GUCY1A2: variants seen among roughly 807,000 people sequenced by gnomAD.
The protein encoded by GUCY1A2 is guanylate cyclase soluble subunit alpha-2.
GUCY1A2 carries 27 observed loss-of-function variants against 63.5 expected under a neutral mutation model. The observed-to-expected ratio is 0.43, with a 90% CI of 0.31 to 0.59. GUCY1A2 has a LOEUF of 0.59. Among genes scored for constraint, GUCY1A2 ranks in the 20% least tolerant of loss-of-function variants. GUCY1A2 has a pLI of 0.11. For synonymous variants in GUCY1A2, 364 were observed against 343.5 expected (o/e 1.06, Z -0.66); for missense variants, 768 against 913.3 (o/e 0.84, Z 2.05).
intron 1 of GUCY1A2, among the ~76,000 whole-genome samples, chr11:107,004,246 G>A (rs141549082): frequency 6.6e-6 from 1 of 152,244 alleles, no homozygotes; most frequent in African/African-American, 2.4e-5. Context: ...TATGAGGTTT[G>A]GAGTTAAACA....
chr11:106,748,471 AAAG>A (rs1188218373), intron 6 of GUCY1A2, among the ~76,000 whole-genome samples: 2 of 152,196 alleles, frequency 1.3e-5, no homozygotes, highest in Non-Finnish European at 1.5e-5. Context: ...AGCTGAGGTA[AAAG>A]AAGGAGAACA....
chr11:106,932,489 T>C (rs1591332636), intron 4 of GUCY1A2, among the ~76,000 whole-genome samples: 2 of 152,092 alleles, frequency 1.3e-5, no homozygotes, highest in African/African-American at 4.8e-5. Context: ...ATATCATACA[T>C]GAGCCTTGTC....
At chr11:106,832,389 T>C (rs1352446164) in intron 4 of GUCY1A2, among the ~76,000 whole-genome samples, 1 of 152,206 alleles carries the variant, frequency 6.6e-6, no homozygotes, top group Non-Finnish European at 1.5e-5. Context: ...TTTATTTCTT[T>C]TTGATGTTTA....
chr11:106,997,810 G>A lies in GUCY1A2; in HGVS notation c.304-11679C>T, dbSNP rs548537499. Among the ~76,000 whole-genome samples, 12 of 152,182 alleles carry A rather than the reference G, an allele frequency of 7.9e-5. No homozygotes were observed. In the East Asian group the frequency reaches 2.3e-3, roughly 29 times the overall value. ...TGGGCCTATCAAGAATCCATGTCCT[G>A]CCTACCTCATATACTTCCTGGGTGA... is the stretch of plus-strand genomic sequence containing the variant. On this transcript the variant is annotated intron_variant, in intron 1 of 7. Transcript: ENST00000526355.
intron 3 of GUCY1A2, among the ~76,000 whole-genome samples, chr11:106,976,396 TATG>T (rs558974540): frequency 6.0e-4 from 91 of 152,324 alleles, no homozygotes; most frequent in Admixed American, 3.4e-3. Context: ...CATTCTCATA[TATG>T]ATTACAGAAG....
intron 4 of GUCY1A2, among the ~76,000 whole-genome samples, chr11:106,847,258 A>ATAT (rs199878448): frequency 1.4e-5 from 2 of 147,786 alleles, no homozygotes; most frequent in African/African-American, 2.4e-5. Flanking sequence ...ATATATATAT[A>ATAT]AAAAATTGTG....
At chr11:106,854,287 G>A (rs1299690846) in intron 4 of GUCY1A2, among the ~76,000 whole-genome samples, 1 of 152,184 alleles carries the variant, frequency 6.6e-6, no homozygotes, top group Non-Finnish European at 1.5e-5. Flanking sequence ...TTTGTAGGCT[G>A]GGCAGACCAG....
chr11:106,715,195 A>G (rs894793040), intron 6 of GUCY1A2, among the ~76,000 whole-genome samples: 2 of 152,202 alleles, frequency 1.3e-5, no homozygotes, highest in African/African-American at 2.4e-5. Context: ...TTCACAAACA[A>G]CTGCATTAAA....
chr11:106,829,020 ATTGC>A (rs1859014857), intron 4 of GUCY1A2, among the ~76,000 whole-genome samples: 1 of 152,208 alleles, frequency 6.6e-6, no homozygotes, highest in African/African-American at 2.4e-5. Context: ...GAATTATATG[ATTGC>A]TTTGTTTCCA....
chr11:107,006,240 A>T (rs770847078), intron 1 of GUCY1A2, among the ~76,000 whole-genome samples: 1 of 152,254 alleles, frequency 6.6e-6, no homozygotes, highest in Non-Finnish European at 1.5e-5. Flanking sequence ...GAAGTGAAGC[A>T]GAACAAGGAA....
intron 3 of GUCY1A2, among the ~76,000 whole-genome samples, chr11:106,967,326 C>T (rs1861138628): frequency 6.6e-6 from 1 of 152,020 alleles, no homozygotes; most frequent in Non-Finnish European, 1.5e-5. Flanking sequence ...ACTGTCCTCT[C>T]GGAATTAATA....
At chr11:106,959,077 G>A (rs1272258220) in intron 3 of GUCY1A2, among the ~76,000 whole-genome samples, 3 of 152,152 alleles carry the variant, frequency 2.0e-5, no homozygotes, top group Non-Finnish European at 2.9e-5. Context: ...GCCAAGCGGA[G>A]CAACTATTCA....
intron 4 of GUCY1A2, among the ~76,000 whole-genome samples, chr11:106,895,903 C>T (rs1860040858): frequency 6.6e-6 from 1 of 151,594 alleles, no homozygotes; most frequent in Non-Finnish European, 1.5e-5. Flanking sequence ...GCCTATAATC[C>T]CAGCTACTCA....
intron 4 of GUCY1A2, chr11:106,827,883 G>C (rs1176628701): frequency 7.6e-6 from 12 of 1,569,068 alleles, no homozygotes; most frequent in Non-Finnish European, 9.6e-6. Flanking sequence ...AGGGCGCGCT[G>C]CCTTCATGCT....
intron 4 of GUCY1A2, among the ~76,000 whole-genome samples, chr11:106,872,185 CTT>C (rs920896805): frequency 1.3e-4 from 20 of 151,992 alleles, no homozygotes; most frequent in African/African-American, 4.8e-4. Context: ...AATGTAAAAC[CTT>C]GTAACATAGG....
chr11:106,698,112 T>A (rs1290403433), intron 7 of GUCY1A2, among the ~76,000 whole-genome samples: 1 of 134,184 alleles, frequency 7.5e-6, no homozygotes, highest in Non-Finnish European at 1.6e-5. Context: ...TTTCACTGAA[T>A]GTTAGAATTT....
chr11:106,695,920 G>C (rs1565260274), intron 7 of GUCY1A2, among the ~76,000 whole-genome samples: 1 of 152,118 alleles, frequency 6.6e-6, no homozygotes, highest in Non-Finnish European at 1.5e-5. Flanking sequence ...CTCCTAAAGG[G>C]ATAGCCTTCC....
intron 5 of GUCY1A2, among the ~76,000 whole-genome samples, chr11:106,804,921 T>C (rs930939558): frequency 3.3e-5 from 5 of 151,914 alleles, no homozygotes; most frequent in African/African-American, 1.2e-4. Context: ...GGCCCACTCA[T>C]ATTCCCTGTG....
At chr11:106,745,575 T>A (rs967033681) in intron 6 of GUCY1A2, among the ~76,000 whole-genome samples, 1 of 152,230 alleles carries the variant, frequency 6.6e-6, no homozygotes, top group Admixed American at 6.5e-5. Flanking sequence ...CACTGATCAA[T>A]GTTTATTTTG....
Sources: allele counts gnomAD v4.1 joint callset (sites outside exome capture counted in the v4.1 genomes callset), GRCh38; gene constraint gnomAD v4.1.1; transcripts MANE v1.5; gene names NCBI Gene and HGNC (gene_info 2026-07-23, HGNC 2026-07-21).